FAM171A1: variants seen among roughly 807,000 people sequenced by gnomAD.
FAM171A1 encodes the protein family with sequence similarity 171 member A1.
A neutral mutation model predicts 74.9 loss-of-function variants in FAM171A1; 23 were observed. That is an observed-to-expected ratio of 0.31 (90% CI 0.22 to 0.44). The LOEUF (loss-of-function observed/expected upper bound fraction) is 0.44, where lower values mean the gene tolerates loss of function less well. Ranked by LOEUF, FAM171A1 falls within the 20% of genes least tolerant of loss-of-function variation. FAM171A1 has a pLI of 1.00. For synonymous variants in FAM171A1, 527 were observed against 505.7 expected (o/e 1.04, Z -0.57); for missense variants, 1,162 against 1,159.2 (o/e 1.00, Z -0.03).
At chr10:15,283,833 C>A (rs1835000187) in intron 2 of FAM171A1, 45 bp downstream of exon 2, 3 of 1,590,626 alleles carry the variant, frequency 1.9e-6, no homozygotes, top group East Asian at 4.5e-5. Flanking sequence ...GATCCTCCCA[C>A]CAGCCAATGC....
Position 15,333,599 on chromosome 10 carries a change from C to T in FAM171A1, c.97+37357G>A, listed in dbSNP as rs559007302. On this transcript the variant is annotated intron_variant, in intron 1 of 7. Coordinates refer to ENST00000378116, the MANE Select transcript of FAM171A1 (RefSeq NM_001010924.2). ...ATCCCAGCACTTTGGGAGGCTGAGT[C>T]GGGAGGTTGCTTGAGGCCAGGAGTT... 1.5e-4 allele frequency among the ~76,000 whole-genome samples: 23 copies of T among 152,150 alleles called. No individual in the cohort carries two copies. In the South Asian group the frequency reaches 3.9e-3, roughly 26 times the overall value.
chr10:15,302,690 T>C (rs1835246557), intron 1 of FAM171A1, among the ~76,000 whole-genome samples: 1 of 152,162 alleles, frequency 6.6e-6, no homozygotes, highest in Admixed American at 6.6e-5. Flanking sequence ...AAGCCACATT[T>C]AGGTCATCAC....
At chr10:15,353,632 C>T (rs537685250) in intron 1 of FAM171A1, among the ~76,000 whole-genome samples, 1 of 152,228 alleles carries the variant, frequency 6.6e-6, no homozygotes, top group South Asian at 2.1e-4. Flanking sequence ...CTATTTACAC[C>T]ACTAATTCTG....
rs116602807 is a variant in FAM171A1 at position 15,367,817 on chromosome 10, C to T, written c.97+3139G>A. Among the ~76,000 whole-genome samples the T allele has an allele frequency of 7.6e-3, 1,163 of 152,316 alleles. 19 individuals carry two copies. Among genetic ancestry groups the T allele is most frequent in the African/African-American group, 0.026 (1,087 of 41,564 alleles). ...CCTCAAACACCTGCTAGATATCCAGCGACAAAATAAACATCATCCAATAAG... is the reference window on the plus strand; with the variant it reads ...CCTCAAACACCTGCTAGATATCCAGTGACAAAATAAACATCATCCAATAAG... On this transcript the variant is annotated intron_variant, in intron 1 of 7. Coordinates refer to ENST00000378116, the MANE Select transcript of FAM171A1 (RefSeq NM_001010924.2).
intron 1 of FAM171A1, among the ~76,000 whole-genome samples, chr10:15,291,975 G>C (rs1441988150): frequency 6.6e-6 from 1 of 152,128 alleles, no homozygotes; most frequent in Non-Finnish European, 1.5e-5. Flanking sequence ...AGTCTGTTTA[G>C]CCTGCTATAA....
intron 1 of FAM171A1, among the ~76,000 whole-genome samples, chr10:15,317,173 G>A (rs1234286548): frequency 4.6e-5 from 7 of 152,132 alleles, no homozygotes; most frequent in Admixed American, 2.0e-4. Flanking sequence ...AAAGAAAGGC[G>A]TATGTTGGGA....
intron 5 of FAM171A1, among the ~76,000 whole-genome samples, chr10:15,248,078 C>A (rs1834458201): frequency 6.6e-6 from 1 of 152,172 alleles, no homozygotes; most frequent in South Asian, 2.1e-4. Flanking sequence ...GATACTGGAG[C>A]TCACTGTTGT....
chr10:15,275,892 T>C lies in FAM171A1; in HGVS notation c.381A>G (p.Val127=), dbSNP rs766484372. The C allele has an allele frequency of 2.5e-6, 4 of 1,612,622 alleles. No individual in the cohort carries two copies. The highest frequency in any genetic ancestry group is 2.2e-5 in the East Asian group (1 of 44,846). ...LLPERSATLM[V]YEDVVQIVSG... ...ATACTATTTGGACGACATCTTCATA[T>C]ACCATTAGAGTGGCAGAGCGTTCTG... The change falls in exon 3 of 8, where the codon GTA becomes GTG. Residue 127 remains valine (V), a synonymous_variant. Coordinates refer to ENST00000378116, the MANE Select transcript of FAM171A1 (RefSeq NM_001010924.2).
Position 15,366,268 on chromosome 10 carries a change from C to T in FAM171A1, c.97+4688G>A, listed in dbSNP as rs756699288. ...CCGAGTAGCTGGGATTACAGGCGCC[C>T]GCCACCATGCTTGGCTACGTTTTGT... On this transcript the variant is annotated intron_variant, in intron 1 of 7. Transcript: ENST00000378116. Among the ~76,000 whole-genome samples, 9 of 152,042 alleles carry T rather than the reference C, an allele frequency of 5.9e-5. No homozygotes were observed. The East Asian group carries it at 9.7e-4, about 16-fold the overall frequency.
chr10:15,321,277 A>G (rs546779485), intron 1 of FAM171A1, among the ~76,000 whole-genome samples: 1 of 152,354 alleles, frequency 6.6e-6, no homozygotes, highest in South Asian at 2.1e-4. Flanking sequence ...AAAGTCCAGT[A>G]GACCCTGGGC....
intron 1 of FAM171A1, among the ~76,000 whole-genome samples, chr10:15,352,184 A>C (rs1394374303): frequency 6.6e-6 from 1 of 152,044 alleles, no homozygotes; most frequent in Non-Finnish European, 1.5e-5. Context: ...GGTTGCAATG[A>C]GCCGAAATCA....
At chr10:15,250,953 C>A (rs1320752860) in intron 4 of FAM171A1, among the ~76,000 whole-genome samples, 1 of 152,066 alleles carries the variant, frequency 6.6e-6, no homozygotes, top group Non-Finnish European at 1.5e-5. Context: ...ATGGTGTCTC[C>A]CTTCTCCTCC....
chr10:15,313,322 T>C (rs1327823772), intron 1 of FAM171A1, among the ~76,000 whole-genome samples: 1 of 152,244 alleles, frequency 6.6e-6, no homozygotes, highest in African/African-American at 2.4e-5. Flanking sequence ...TTTCCAGCCC[T>C]GGGCAGCCAG....
intron 2 of FAM171A1, among the ~76,000 whole-genome samples, chr10:15,283,363 T>C: frequency 6.6e-6 from 1 of 152,166 alleles, no homozygotes; most frequent in East Asian, 1.9e-4. Context: ...GCTTAATATC[T>C]CTCAGGTTTA....
intron 1 of FAM171A1, among the ~76,000 whole-genome samples, chr10:15,305,299 G>C (rs1359365295): frequency 6.6e-6 from 1 of 152,144 alleles, no homozygotes; most frequent in Non-Finnish European, 1.5e-5. Context: ...GAAATGTCTG[G>C]TTAGGTAAGC....
intron 6 of FAM171A1, among the ~76,000 whole-genome samples, chr10:15,218,099 A>T (rs1833989902): frequency 6.6e-6 from 1 of 151,688 alleles, no homozygotes; most frequent in Non-Finnish European, 1.5e-5. Context: ...TTTTGTTTTG[A>T]GATGGAGTCT....
intron 1 of FAM171A1, among the ~76,000 whole-genome samples, chr10:15,327,402 C>T (rs542638266): frequency 2.6e-5 from 4 of 152,292 alleles, no homozygotes; most frequent in African/African-American, 7.2e-5. Context: ...GTTATCTCAG[C>T]ACTTTGGGAG....
At chr10:15,346,674 C>T (rs1052631913) in intron 1 of FAM171A1, among the ~76,000 whole-genome samples, 13 of 152,232 alleles carry the variant, frequency 8.5e-5, no homozygotes, top group East Asian at 1.9e-4. Flanking sequence ...ATACAGAAGG[C>T]GTGGAAATGA....
In FAM171A1 at chr10:15,370,961, G is replaced by C; in HGVS notation, c.92C>G (p.Ala31Gly). The C allele has an allele frequency of 8.5e-7, 1 of 1,173,408 alleles. No individual in the cohort carries two copies. Among genetic ancestry groups the C allele is most frequent in the Non-Finnish European group, 1.1e-6 (1 of 928,934 alleles). The allele number at this position is 1,173,408 out of a possible 1,614,324, so 72.7% of individuals were successfully genotyped here. ...TKTLREPGAG[A>G]QEVTLKVHIS... The stretch of plus-strand genomic sequence containing the variant: ...CCCCGCCGCCGCCCACTGACCTTGG[G>C]CTCCGGCGCCGGGCTCCCGCAGCGT... Residue 31 changes from alanine to glycine, a missense_variant, in exon 1 of 8, where the codon GCC becomes GGC. Coordinates refer to ENST00000378116, the MANE Select transcript of FAM171A1 (RefSeq NM_001010924.2).
Sources: gnomAD v4.1 joint callset for allele counts (sites outside exome capture counted in the v4.1 genomes callset) on GRCh38, gnomAD v4.1.1 for gene constraint, MANE v1.5 for transcripts, NCBI Gene and HGNC (gene_info 2026-07-23, HGNC 2026-07-21) for gene names.